HTR4: variants seen among roughly 807,000 people sequenced by gnomAD.
HTR4 encodes 5-hydroxytryptamine (serotonin) receptor 4, G protein-coupled.
HTR4 carries 16 observed loss-of-function variants against 36.8 expected under a neutral mutation model. The observed-to-expected ratio is 0.43, with a 90% CI of 0.29 to 0.66. HTR4 has a LOEUF of 0.66. HTR4 is among the 30% of genes least tolerant of loss of function. The probability of loss-of-function intolerance (pLI) is 0.13; values close to 1 mark genes in which losing one functional copy is unlikely to be tolerated. For synonymous variants in HTR4, 189 were observed against 185.1 expected, an observed-to-expected ratio of 1.02 and a Z score of -0.17; for missense variants, 438 against 490.9, an observed-to-expected ratio of 0.89 and a Z score of 1.02.
intron 2 of HTR4, among the ~76,000 whole-genome samples, chr5:148,581,987 A>G (rs1455421786): frequency 6.6e-6 from 1 of 152,102 alleles, no homozygotes; most frequent in African/African-American, 2.4e-5. Context: ...CCACATTTTT[A>G]TCTAATTTCT....
chr5:148,636,931 T>C, intron 2 of HTR4, 58 bp downstream of exon 2: 1 of 1,095,058 alleles, frequency 9.1e-7, no homozygotes, highest in Non-Finnish European at 1.4e-6. Context: ...ATTTTTAGAG[T>C]CTTCATAGCA....
chr5:148,577,217 A>C (rs1035255308), intron 2 of HTR4, among the ~76,000 whole-genome samples: 14 of 152,136 alleles, frequency 9.2e-5, no homozygotes, highest in Non-Finnish European at 2.1e-4. Flanking sequence ...ATGGAAAAGA[A>C]GCTCAATATC....
chr5:148,637,038 T>G lies in HTR4; in HGVS notation c.-24A>C, dbSNP rs571440084. 1.2e-6 allele frequency: 2 copies of G among 1,610,314 alleles called. No individual in the cohort carries two copies. The highest frequency in any genetic ancestry group is 1.7e-6 in the Non-Finnish European group (2 of 1,177,032). On this transcript the variant is annotated 5_prime_UTR_variant, in exon 2 of 7. Transcript: ENST00000377888. ...ATTACAGGAAATAAGCATGAGTGAGTTGGATTTCAATGCCCACAGGGTCCT... is the reference window on the plus strand; with the variant it reads ...ATTACAGGAAATAAGCATGAGTGAGGTGGATTTCAATGCCCACAGGGTCCT...
At chr5:148,536,808 T>C (rs887137751) in intron 4 of HTR4, among the ~76,000 whole-genome samples, 5 of 152,058 alleles carry the variant, frequency 3.3e-5, no homozygotes, top group African/African-American at 4.8e-5. Context: ...CAGCACTTCA[T>C]TGACAGCACT....
At chr5:148,652,553 C>T (rs936181903) in intron 1 of HTR4, among the ~76,000 whole-genome samples, 4 of 152,098 alleles carry the variant, frequency 2.6e-5, no homozygotes, top group African/African-American at 9.7e-5. Context: ...GATGCTTTTG[C>T]CCCTACAGGG....
intron 5 of HTR4, among the ~76,000 whole-genome samples, chr5:148,462,650 T>C (rs1755305628): frequency 1.3e-5 from 2 of 152,254 alleles, no homozygotes; most frequent in East Asian, 3.9e-4. Flanking sequence ...GAGAGAATAC[T>C]TTCTGACTCA....
intron 5 of HTR4, among the ~76,000 whole-genome samples, chr5:148,465,618 G>A (rs906706538): frequency 2.6e-5 from 4 of 152,052 alleles, no homozygotes; most frequent in African/African-American, 7.2e-5. Context: ...TGAAGGCCGT[G>A]CTCCCAGAAC....
chr5:148,466,201 A>G (rs1422133321), intron 5 of HTR4, among the ~76,000 whole-genome samples: 1 of 152,126 alleles, frequency 6.6e-6, no homozygotes, highest in Non-Finnish European at 1.5e-5. Context: ...ACACATTACT[A>G]CCTTAATTTA....
chr5:148,565,925 T>C (rs1163084360), intron 2 of HTR4, among the ~76,000 whole-genome samples: 1 of 152,164 alleles, frequency 6.6e-6, no homozygotes, highest in African/African-American at 2.4e-5. Context: ...ATCTAAGAAC[T>C]GTATTGCAGT....
intron 2 of HTR4, among the ~76,000 whole-genome samples, chr5:148,579,389 C>A (rs990669324): frequency 6.6e-6 from 1 of 152,000 alleles, no homozygotes; most frequent in African/African-American, 2.4e-5. Context: ...TAATTCCCTA[C>A]GTTAAGAGAG....
intron 2 of HTR4, among the ~76,000 whole-genome samples, chr5:148,607,848 T>C (rs999036759): frequency 6.6e-6 from 1 of 152,210 alleles, no homozygotes; most frequent in African/African-American, 2.4e-5. Context: ...CTAGAGTTTT[T>C]AGGGAAGTCA....
In HTR4 at chr5:148,576,110, C is replaced by CAAAAAAAAAAA. The variant is rs781780161; in HGVS notation, c.27-25859_27-25849dup. ...TGGGCGACAGAGCGAGACTCCGTCTCAAAAAAAAAAAAAAAAAAAAAAACA... is the reference window on the plus strand; with the variant it reads ...TGGGCGACAGAGCGAGACTCCGTCTCAAAAAAAAAAAAAAAAAAAAAAAAAAAAAAAAAACA... On this transcript the variant is annotated intron_variant, in intron 2 of 6. Coordinates refer to ENST00000377888, the MANE Select transcript of HTR4 (RefSeq NM_000870.7). 6.6e-3 allele frequency among the ~76,000 whole-genome samples: 215 copies of CAAAAAAAAAAA among 32,604 alleles called. 16 individuals are homozygous for CAAAAAAAAAAA. The highest frequency in any genetic ancestry group is 0.011 in the African/African-American group (85 of 7,474). 21.4% of individuals were successfully genotyped at this position (32,604 alleles called of 152,430 possible).
At position 148,637,029 on chromosome 5, in the gene HTR4, A is replaced by G. The variant is rs763582073; in HGVS notation, c.-15T>C. 6.2e-7 allele frequency: 1 copy of G among 1,611,110 alleles called. No homozygotes were observed. The highest frequency in any genetic ancestry group is 1.1e-5 in the South Asian group (1 of 90,862). ...AGTTTGTCCATTACAGGAAATAAGC[A>G]TGAGTGAGTTGGATTTCAATGCCCA... On this transcript the variant is annotated 5_prime_UTR_variant, in exon 2 of 7. The change abolishes an upstream ATG in the 5' untranslated region. Transcript: ENST00000377888.
intron 4 of HTR4, among the ~76,000 whole-genome samples, chr5:148,535,831 G>A (rs79279589): frequency 0.014 from 2,058 of 152,188 alleles, 23 homozygotes; most frequent in Non-Finnish European, 0.02. Context: ...ATGATTTATG[G>A]AAACTCCCCC....
intron 4 of HTR4, among the ~76,000 whole-genome samples, chr5:148,548,350 T>G (rs967280829): frequency 6.6e-6 from 1 of 152,230 alleles, no homozygotes; most frequent in Non-Finnish European, 1.5e-5. Context: ...TTCTTCAGAA[T>G]TTTGTTCATG....
chr5:148,516,059 A>T (rs182097003), intron 5 of HTR4, among the ~76,000 whole-genome samples: 42 of 150,842 alleles, frequency 2.8e-4, no homozygotes, highest in Middle Eastern at 3.5e-3. Context: ...ATATATATAC[A>T]TATATATCAG....
chr5:148,651,080 C>T (rs1350772373), intron 1 of HTR4, among the ~76,000 whole-genome samples: 3 of 152,124 alleles, frequency 2.0e-5, no homozygotes, highest in Non-Finnish European at 2.9e-5. Context: ...TACCGCATTG[C>T]TAAAATGAGA....
intron 2 of HTR4, among the ~76,000 whole-genome samples, chr5:148,571,488 T>C (rs769335278): frequency 6.6e-6 from 1 of 152,114 alleles, no homozygotes; most frequent in Non-Finnish European, 1.5e-5. Context: ...AGACATTATA[T>C]TGATAATTGT....
At position 148,517,922 on chromosome 5, in the gene HTR4, T is replaced by A. The variant is rs187427833; in HGVS notation, c.507+5271A>T. 2.1e-3 allele frequency among the ~76,000 whole-genome samples: 320 copies of A among 152,184 alleles called. 3 individuals are homozygous for A. The highest frequency in any genetic ancestry group is 7.1e-3 in the African/African-American group (295 of 41,536). ...TAACCTGAAAAGTCCTACACGATCT[T>A]TCTCCTATATATTTTTTTTTACTTC... On this transcript the variant is annotated intron_variant, in intron 5 of 6. Coordinates refer to ENST00000377888, the MANE Select transcript of HTR4 (RefSeq NM_000870.7).
Sources: gnomAD v4.1 joint callset for allele counts (sites outside exome capture counted in the v4.1 genomes callset) on GRCh38, gnomAD v4.1.1 for gene constraint, MANE v1.5 for transcripts, NCBI Gene and HGNC (gene_info 2026-07-23, HGNC 2026-07-21) for gene names.